Variants in PARD3B observed in about 807,000 individuals in gnomAD.
The protein encoded by PARD3B is partitioning defective 3 homolog B.
PARD3B carries 103 observed loss-of-function variants against 130.2 expected under a neutral mutation model. The ratio of observed to expected loss-of-function variants is 0.79; its 90% CI spans 0.67 to 0.93. The LOEUF (loss-of-function observed/expected upper bound fraction) is 0.93. Among genes scored for constraint, PARD3B ranks in the 40% least tolerant of loss-of-function variants. The pLI is 0.00. For missense variants in PARD3B, 1,609 were observed against 1,499.2 expected (o/e 1.07, Z -1.21); for synonymous variants, 583 against 553.2 (o/e 1.05, Z -0.76).
intron 2 of PARD3B, among the ~76,000 whole-genome samples, chr2:204,912,741 A>G (rs933092639): frequency 3.3e-5 from 5 of 152,220 alleles, no homozygotes; most frequent in African/African-American, 4.8e-5. Flanking sequence ...AGCTAAAAAC[A>G]TAAGACTGTA....
chr2:204,939,638 T>C (rs1242366652), intron 2 of PARD3B, among the ~76,000 whole-genome samples: 2 of 152,222 alleles, frequency 1.3e-5, no homozygotes, highest in African/African-American at 2.4e-5. Context: ...CTTTTTTGCT[T>C]ATTCCAAAAG....
intron 11 of PARD3B, among the ~76,000 whole-genome samples, chr2:205,167,373 T>G (rs2125734973): frequency 6.6e-6 from 1 of 152,216 alleles, no homozygotes; most frequent in South Asian, 2.1e-4. Flanking sequence ...TAAATATTTT[T>G]TTTTTCAAAA....
Position 205,176,411 on chromosome 2 carries a change from A to G in PARD3B, c.1792-34A>G. ...AACTGACCAAGTTGGAACATATTAA[A>G]AATGCAAATGTAATTTTTACTTTTA... On this transcript the variant is annotated intron_variant, in intron 12 of 22. Coordinates refer to ENST00000406610, the MANE Select transcript of PARD3B (RefSeq NM_001302769.2). The surrounding 1 kb of genome is among the most constrained non-coding windows in gnomAD (Gnocchi z 5.3). The G allele has an allele frequency of 1.9e-6, 3 of 1,570,266 alleles. No individual in the cohort carries two copies. The highest frequency in any genetic ancestry group is 2.6e-6 in the Non-Finnish European group (3 of 1,159,060).
intron 3 of PARD3B, among the ~76,000 whole-genome samples, chr2:205,040,873 G>A (rs570957645): frequency 1.5e-3 from 232 of 152,050 alleles, no homozygotes; most frequent in Middle Eastern, 3.4e-3. Context: ...ATCCCTTAGG[G>A]CAAAGGAAAA....
In PARD3B at chr2:205,543,723, G is replaced by T. The variant is rs1047369703; in HGVS notation, c.3181-9601G>T. 1.4e-4 allele frequency among the ~76,000 whole-genome samples: 22 copies of T among 152,170 alleles called. 1 individual carries two copies. The highest frequency in any genetic ancestry group is 1.4e-3 in the Admixed American group (21 of 15,278). On this transcript the variant is annotated intron_variant, in intron 21 of 22. Transcript: ENST00000406610. ...GAGGCAGAGATGGAAATGGTAGCAC[G>T]ATTGCAACTCATGATACTGATAGTG... is the stretch of plus-strand genomic sequence containing the variant.
intron 1 of PARD3B, among the ~76,000 whole-genome samples, chr2:204,679,843 C>G (rs373953991): frequency 6.6e-6 from 1 of 151,968 alleles, no homozygotes; most frequent in Admixed American, 6.5e-5. Flanking sequence ...TTATGAATAA[C>G]TTAGGTTGAT....
At chr2:205,416,576 A>G (rs954079539) in intron 19 of PARD3B, among the ~76,000 whole-genome samples, 3 of 152,172 alleles carry the variant, frequency 2.0e-5, no homozygotes, top group Non-Finnish European at 4.4e-5. Context: ...CTTGGCCTGC[A>G]GGTGAGCAGC....
At chr2:204,650,064 GA>G (rs917055496) in intron 1 of PARD3B, among the ~76,000 whole-genome samples, 4 of 151,404 alleles carry the variant, frequency 2.6e-5, no homozygotes, top group Admixed American at 6.6e-5. Flanking sequence ...AAATTTACAA[GA>G]AAAAAAACCC....
In PARD3B at chr2:204,588,910, A is replaced by C. The variant is rs113239940; in HGVS notation, c.120+42791A>C. Among the ~76,000 whole-genome samples, 1,361 of 152,100 alleles carry C rather than the reference A, an allele frequency of 8.9e-3. 19 individuals carry two copies. The highest frequency in any genetic ancestry group is 0.032 in the African/African-American group (1,321 of 41,492). ...ATCTACAAATCCTCTTTTCCTCAACATCCCTCCTAAAATGTGGTTTCAAGG... is the reference window on the plus strand; with the variant it reads ...ATCTACAAATCCTCTTTTCCTCAACCTCCCTCCTAAAATGTGGTTTCAAGG... On this transcript the variant is annotated intron_variant, in intron 1 of 22. Coordinates refer to ENST00000406610, the MANE Select transcript of PARD3B (RefSeq NM_001302769.2).
At chr2:204,913,005 C>T (rs1389479188) in intron 2 of PARD3B, among the ~76,000 whole-genome samples, 2 of 152,150 alleles carry the variant, frequency 1.3e-5, no homozygotes, top group Admixed American at 6.5e-5. Context: ...ATTTAGCCTA[C>T]AGATAAAATG....
At chr2:205,248,891 G>A (rs990364939) in intron 16 of PARD3B, among the ~76,000 whole-genome samples, 9 of 151,862 alleles carry the variant, frequency 5.9e-5, no homozygotes, top group African/African-American at 2.2e-4. Flanking sequence ...ACAGGCGTGA[G>A]CCACCGCGCC....
At chr2:205,193,350 A>C in intron 15 of PARD3B, 30 bp downstream of exon 15, 1 of 1,488,532 alleles carries the variant, frequency 6.7e-7, no homozygotes, top group Non-Finnish European at 9.4e-7. Context: ...CATCCAGGTC[A>C]GCTCTCCAGC....
intron 1 of PARD3B, among the ~76,000 whole-genome samples, chr2:204,665,019 G>A (rs920131989): frequency 3.9e-5 from 6 of 151,934 alleles, no homozygotes; most frequent in Admixed American, 6.6e-5. Context: ...TGTTTGTACT[G>A]ATTTAGGAAT....
chr2:205,082,867 C>T (rs912867405), intron 4 of PARD3B, among the ~76,000 whole-genome samples: 1 of 151,600 alleles, frequency 6.6e-6, no homozygotes, highest in African/African-American at 2.4e-5. Context: ...AATCGAAGGC[C>T]TAAATTAGAA....
rs1179288349 is a variant in PARD3B at position 205,011,104 on chromosome 2, C to T, written c.395-36477C>T. Among the ~76,000 whole-genome samples the T allele has an allele frequency of 6.6e-6, 1 of 152,172 alleles. No homozygotes were observed. The highest frequency in any genetic ancestry group is 1.5e-5 in the Non-Finnish European group (1 of 68,036). On this transcript the variant is annotated intron_variant, in intron 3 of 22. Coordinates refer to ENST00000406610, the MANE Select transcript of PARD3B (RefSeq NM_001302769.2). This position sits in a 1 kb window ranked among gnomAD's most constrained non-coding sequence, Gnocchi z 4.1. ...CCATTAGGCTAATTGGATAGAGATC[C>T]TGCCTATTCACTCTTGGCTGGTAGA...
chr2:205,035,109 C>T (rs543385038), intron 3 of PARD3B, among the ~76,000 whole-genome samples: 1 of 151,992 alleles, frequency 6.6e-6, no homozygotes, highest in South Asian at 2.1e-4. Context: ...GTGATCCCCC[C>T]CCCTCAGCCT....
At chr2:204,597,652 A>G (rs2033354753) in intron 1 of PARD3B, among the ~76,000 whole-genome samples, 1 of 152,180 alleles carries the variant, frequency 6.6e-6, no homozygotes, top group Admixed American at 6.5e-5. Context: ...GTGAGCTGGG[A>G]CCAGAACTCA....
chr2:204,650,968 G>T (rs1164932932), intron 1 of PARD3B, among the ~76,000 whole-genome samples: 2 of 152,102 alleles, frequency 1.3e-5, no homozygotes, highest in African/African-American at 2.4e-5. Flanking sequence ...ACACTATCAT[G>T]AGAACAGCAA....
chr2:205,481,004 G>A (rs2049214991), intron 20 of PARD3B, among the ~76,000 whole-genome samples: 1 of 152,262 alleles, frequency 6.6e-6, no homozygotes, highest in East Asian at 1.9e-4. Flanking sequence ...AGGAACAGGG[G>A]AGAGTGAGAA....
Sources: allele counts gnomAD v4.1 joint callset (sites outside exome capture counted in the v4.1 genomes callset), GRCh38; gene constraint gnomAD v4.1.1; non-coding constraint Gnocchi (gnomAD v3.1); transcripts MANE v1.5; gene names NCBI Gene and HGNC (gene_info 2026-07-23, HGNC 2026-07-21).